The following RANBP17 variants were observed in gnomAD, a reference collection of about 807,000 sequenced individuals.
RANBP17 encodes ran-binding protein 17.
RANBP17 carries 158 observed loss-of-function variants against 141.2 expected under a neutral mutation model. That is an observed-to-expected ratio of 1.12 (90% CI 0.98 to 1.28). The LOEUF is 1.28. Among genes scored for constraint, RANBP17 ranks in the 50% most tolerant of loss-of-function variants. RANBP17 has a pLI of 0.00. For synonymous variants in RANBP17, 430 were observed against 450.0 expected, an observed-to-expected ratio of 0.96 and a Z score of 0.56; for missense variants, 1,438 against 1,290.7, an observed-to-expected ratio of 1.11 and a Z score of -1.75.
chr5:171,199,722 T>A lies in RANBP17; in HGVS notation c.2091T>A (p.Phe697Leu). 1.2e-6 allele frequency: 2 copies of A among 1,611,950 alleles called. No homozygotes were observed. Among genetic ancestry groups the A allele is most frequent in the Non-Finnish European group, 1.7e-6 (2 of 1,178,754 alleles). Residue 697 changes from phenylalanine (F) to leucine (L), a missense_variant, in exon 19 of 28, where the codon TTT becomes TTA. Phe to Leu is a conservative substitution (Grantham distance 22). Transcript: ENST00000523189. ...TCATGCTGCCTCTTACAGTTGCTTT[T>A]GAAACAGTATTACAAATATTCAACA... is the stretch of plus-strand genomic sequence containing the variant. ...ENFMLPLTVAFETVLQIFNNN... is the reference protein window; with the variant it reads ...ENFMLPLTVALETVLQIFNNN...
chr5:170,882,872 A>T (rs1027021630), intron 3 of RANBP17, among the ~76,000 whole-genome samples: 2 of 152,198 alleles, frequency 1.3e-5, no homozygotes, highest in African/African-American at 2.4e-5. Context: ...TATGGACAAA[A>T]TTGTAATAAT....
At chr5:171,065,721 G>A (rs1369291678) in intron 14 of RANBP17, among the ~76,000 whole-genome samples, 1 of 151,984 alleles carries the variant, frequency 6.6e-6, no homozygotes, top group African/African-American at 2.4e-5. Context: ...TGATTTGATA[G>A]CTTATTCTTG....
intron 14 of RANBP17, among the ~76,000 whole-genome samples, chr5:171,035,801 T>A (rs1781845384): frequency 6.6e-6 from 1 of 150,764 alleles, no homozygotes; most frequent in South Asian, 2.1e-4. Flanking sequence ...TGTGTGCAGG[T>A]TTGTTCCATG....
intron 13 of RANBP17, among the ~76,000 whole-genome samples, chr5:170,965,899 T>G (rs13166557): frequency 0.64 from 96,653 of 151,444 alleles, 31,586 homozygotes; most frequent in South Asian, 0.89. Context: ...TTTGGTTCCA[T>G]ATGAACTTTA....
intron 14 of RANBP17, among the ~76,000 whole-genome samples, chr5:171,026,767 TGAGAA>T (rs58347341): frequency 0.59 from 89,515 of 151,404 alleles, 28,369 homozygotes; most frequent in South Asian, 0.88. Flanking sequence ...GACCCTGAGA[TGAGAA>T]ATTATTCACA....
chr5:170,908,621 C>T (rs1400651709), intron 5 of RANBP17, among the ~76,000 whole-genome samples: 1 of 149,912 alleles, frequency 6.7e-6, no homozygotes, highest in Non-Finnish European at 1.5e-5. Context: ...GCAACAAACA[C>T]ACACATGTAC....
At chr5:171,197,325 G>C (rs1762031259) in intron 18 of RANBP17, among the ~76,000 whole-genome samples, 1 of 152,056 alleles carries the variant, frequency 6.6e-6, no homozygotes, top group South Asian at 2.1e-4. Flanking sequence ...AGCATCTTCT[G>C]TTTTCCATGT....
chr5:171,249,402 C>T (rs1177639497), intron 24 of RANBP17, among the ~76,000 whole-genome samples: 1 of 152,166 alleles, frequency 6.6e-6, no homozygotes, highest in African/African-American at 2.4e-5. Context: ...CCAAGGAACA[C>T]AGTAATTCTC....
chr5:171,291,633 G>A (rs996292383), intron 25 of RANBP17, among the ~76,000 whole-genome samples: 3 of 152,110 alleles, frequency 2.0e-5, no homozygotes, highest in African/African-American at 7.2e-5. Flanking sequence ...GTGATTCTGT[G>A]CTTAAGCATT....
intron 14 of RANBP17, among the ~76,000 whole-genome samples, chr5:171,018,148 G>T (rs1220255401): frequency 6.6e-6 from 1 of 152,054 alleles, no homozygotes; most frequent in African/African-American, 2.4e-5. Context: ...TGTTGTTTTG[G>T]TTACTGTAGC....
At chr5:171,276,217 T>C (rs1767476059) in intron 25 of RANBP17, among the ~76,000 whole-genome samples, 1 of 152,238 alleles carries the variant, frequency 6.6e-6, no homozygotes, top group Non-Finnish European at 1.5e-5. Flanking sequence ...TAGATAACTA[T>C]TGCTGTGAAT....
intron 20 of RANBP17, among the ~76,000 whole-genome samples, chr5:171,211,283 A>C (rs1762866066): frequency 6.6e-6 from 1 of 150,848 alleles, no homozygotes; most frequent in South Asian, 2.1e-4. Context: ...TTTTTTTGAG[A>C]CAGAGTCTCA....
At chr5:171,286,828 T>G (rs891927952) in intron 25 of RANBP17, among the ~76,000 whole-genome samples, 1 of 152,264 alleles carries the variant, frequency 6.6e-6, no homozygotes, top group African/African-American at 2.4e-5. Context: ...AGATTTTGCC[T>G]AATCCTGGGT....
At chr5:171,138,749 T>C (rs540219906) in intron 14 of RANBP17, among the ~76,000 whole-genome samples, 40 of 152,294 alleles carry the variant, frequency 2.6e-4, no homozygotes, top group African/African-American at 9.4e-4. Context: ...GAATTCTTTG[T>C]ACTATATTTG....
intron 14 of RANBP17, among the ~76,000 whole-genome samples, chr5:170,974,695 C>T (rs567400491): frequency 6.6e-6 from 1 of 152,284 alleles, no homozygotes; most frequent in African/African-American, 2.4e-5. Context: ...GGTGGCCACA[C>T]CCCCATGGCT....
At chr5:170,996,245 G>GT (rs1323864470) in intron 14 of RANBP17, among the ~76,000 whole-genome samples, 2 of 152,086 alleles carry the variant, frequency 1.3e-5, no homozygotes, top group Admixed American at 6.6e-5. Flanking sequence ...AGTTAAAGCT[G>GT]TTTTTTTCCC....
At chr5:170,915,091 G>A (rs1198073905) in intron 8 of RANBP17, among the ~76,000 whole-genome samples, 2 of 152,104 alleles carry the variant, frequency 1.3e-5, no homozygotes, top group Admixed American at 1.3e-4. Flanking sequence ...CATGTTTCCA[G>A]TTGGGGCCAC....
At chr5:171,178,609 A>G (rs924800942) in intron 16 of RANBP17, among the ~76,000 whole-genome samples, 5 of 152,158 alleles carry the variant, frequency 3.3e-5, no homozygotes, top group African/African-American at 1.2e-4. Flanking sequence ...GTCTTCCACA[A>G]TGGTTGAACT....
At chr5:170,904,748 T>C (rs888571719) in intron 5 of RANBP17, among the ~76,000 whole-genome samples, 12 of 152,174 alleles carry the variant, frequency 7.9e-5, no homozygotes, top group Non-Finnish European at 1.8e-4. Context: ...TAACCTCATA[T>C]TTAGGCATTT....
Sources: gnomAD v4.1 joint callset for allele counts (sites outside exome capture counted in the v4.1 genomes callset) on GRCh38, gnomAD v4.1.1 for gene constraint, MANE v1.5 for transcripts, NCBI Gene and HGNC (gene_info 2026-07-23, HGNC 2026-07-21) for gene names.